The following SLC22A14 variants were observed in gnomAD, a reference collection of about 807,000 sequenced individuals.
SLC22A14 encodes organic cation transporter-like 4.
SLC22A14 carries 50 observed loss-of-function variants against 53.9 expected under a neutral mutation model. That is an observed-to-expected ratio of 0.93 (90% CI 0.74 to 1.17). The LOEUF (loss-of-function observed/expected upper bound fraction) is 1.17, where lower values mean the gene tolerates loss of function less well. Among genes scored for constraint, SLC22A14 ranks in the 50% most tolerant of loss-of-function variants. SLC22A14 has a pLI of 0.00. For missense variants in SLC22A14, 671 were observed against 734.7 expected, an observed-to-expected ratio of 0.91 and a Z score of 1.00; for synonymous variants, 312 against 303.0, an observed-to-expected ratio of 1.03 and a Z score of -0.31.
At chr3:38,278,832 A>G (rs1042364579), upstream of SLC22A14, among the ~76,000 whole-genome samples, 16 of 151,774 alleles carry the variant, frequency 1.1e-4, no homozygotes, top group Non-Finnish European at 2.4e-4. Context: ...AAAAAAAAAA[A>G]AAAAAAAAAG....
At chr3:38,280,166 C>A (rs571905166), upstream of SLC22A14, among the ~76,000 whole-genome samples, 62 of 152,312 alleles carry the variant, frequency 4.1e-4, no homozygotes, top group African/African-American at 1.5e-3. Flanking sequence ...GGAGGACTTT[C>A]CAGGCCTCCT....
chr3:38,301,724 A>G (rs976972913), intron 1 of SLC22A14, among the ~76,000 whole-genome samples: 3 of 150,388 alleles, frequency 2.0e-5, no homozygotes, highest in Non-Finnish European at 3.0e-5. Context: ...TAAAAGGGAT[A>G]CTTTTAATGT....
chr3:38,310,861 C>T (rs1704449611), intron 5 of SLC22A14, among the ~76,000 whole-genome samples: 1 of 152,148 alleles, frequency 6.6e-6, no homozygotes, highest in Non-Finnish European at 1.5e-5. Flanking sequence ...TGGTGGGCTG[C>T]TCCAATCAAC....
At chr3:38,308,248 G>T in intron 4 of SLC22A14, 1 of 161,938 alleles carries the variant, frequency 6.2e-6, no homozygotes, top group South Asian at 1.7e-4. Context: ...AGAGGAGGAG[G>T]AGGAGAAGAA....
At chr3:38,296,930 G>A (rs939488078) in intron 1 of SLC22A14, among the ~76,000 whole-genome samples, 7 of 152,194 alleles carry the variant, frequency 4.6e-5, no homozygotes, top group East Asian at 3.8e-4. Context: ...CTGTGACGGC[G>A]ACAAACAGCA....
Position 38,312,963 on chromosome 3 carries a change from T to C in SLC22A14, c.945-36T>C, listed in dbSNP as rs760662220. The C allele has an allele frequency of 4.3e-5, 67 of 1,566,522 alleles. No individual in the cohort carries two copies. The African/African-American group carries it at 6.4e-4, about 15-fold the overall frequency. On this transcript the variant is annotated intron_variant, in intron 5 of 10. Coordinates refer to ENST00000448498, the MANE Select transcript of SLC22A14 (RefSeq NM_001320033.2). ...GCCAGCAGGGGGTCTCTGGGCATCATAGAACGGTGAGATAAGAGAGGGGCT... is the reference window on the plus strand; with the variant it reads ...GCCAGCAGGGGGTCTCTGGGCATCACAGAACGGTGAGATAAGAGAGGGGCT...
intron 4 of SLC22A14, chr3:38,308,103 A>G (rs76982480): frequency 0.034 from 5,053 of 149,616 alleles, 115 homozygotes; most frequent in Middle Eastern, 0.1. Context: ...TGAGCCCTTA[A>G]GAAAGGCCAG....
chr3:38,285,847 G>C (rs1255949298), intron 1 of SLC22A14, among the ~76,000 whole-genome samples: 1 of 152,202 alleles, frequency 6.6e-6, no homozygotes, highest in Non-Finnish European at 1.5e-5. Flanking sequence ...AACTTTATAA[G>C]ACAATGCCAA....
rs1021466759 is a variant in SLC22A14 at position 38,306,255 on chromosome 3, AGCATCATGTCG to A, written c.232_242del (p.Ile78LeufsTer6). Reference sequence around the variant, plus strand: ...GCTAGTAGCCCTCACCTTTATCCCCAGCATCATGTCGGCCTTCTTCATGTTTGCTGACCACT... The same window carrying A: ...GCTAGTAGCCCTCACCTTTATCCCCAGCCTTCTTCATGTTTGCTGACCACT... On this transcript the variant is annotated frameshift_variant, in exon 2 of 11. Coordinates refer to ENST00000448498, the MANE Select transcript of SLC22A14 (RefSeq NM_001320033.2). LOFTEE classifies it high-confidence loss of function. 1.9e-6 allele frequency: 3 copies of A among 1,614,018 alleles called. No homozygotes were observed. In the African/African-American group the frequency reaches 4.0e-5, roughly 22 times the overall value.
chr3:38,313,288 C>A, intron 6 of SLC22A14, 100 bp from the exon 7 acceptor site: 3 of 1,394,204 alleles, frequency 2.2e-6, no homozygotes, highest in Non-Finnish European at 3.0e-6. Context: ...CAGAAGCCAG[C>A]TGGCACTTTC....
At position 38,318,571 on chromosome 3, in the gene SLC22A14, C is replaced by T. The variant is rs192852263; in HGVS notation, c.*322C>T. ...ATTCCAATAAAGGTACAATGTTGGTCTTGAGATGGCTGGGTCAAAGTTGCC... is the reference window on the plus strand; with the variant it reads ...ATTCCAATAAAGGTACAATGTTGGTTTTGAGATGGCTGGGTCAAAGTTGCC... On this transcript the variant is annotated 3_prime_UTR_variant, in exon 11 of 11. Transcript: ENST00000448498. The T allele has an allele frequency of 3.7e-3, 1,004 of 269,658 alleles. 8 individuals are homozygous for T. The highest frequency in any genetic ancestry group is 4.0e-3 in the Non-Finnish European group (554 of 139,920). 16.7% of individuals were successfully genotyped at this position (269,658 alleles called of 1,614,324 possible).
In SLC22A14 at chr3:38,307,458, G is replaced by T. The variant is rs818823; in HGVS notation, c.620+101G>T. On this transcript the variant is annotated intron_variant, in intron 3 of 10. Coordinates refer to ENST00000448498, the MANE Select transcript of SLC22A14 (RefSeq NM_001320033.2). This position sits in a 1 kb window ranked among gnomAD's most constrained non-coding sequence, Gnocchi z 4.4. Reference sequence around the variant, plus strand: ...TCAGGCTGAGGGAGGTGAGGGTAGGGGTTCTCCAGGGACCCATGGATGGCT... The same window carrying T: ...TCAGGCTGAGGGAGGTGAGGGTAGGTGTTCTCCAGGGACCCATGGATGGCT... 503,660 of 1,537,056 alleles carry T rather than the reference G, an allele frequency of 0.33. 85,556 individuals carry two copies. The highest frequency in any genetic ancestry group is 0.53 in the East Asian group (23,386 of 44,346).
In SLC22A14 at chr3:38,307,788, G is replaced by A. The variant is rs1704352603; in HGVS notation, c.775+68G>A. 2 of 1,567,078 alleles carry A rather than the reference G, an allele frequency of 1.3e-6. No individual in the cohort carries two copies. Among genetic ancestry groups the A allele is most frequent in the African/African-American group, 1.4e-5 (1 of 74,062 alleles). On this transcript the variant is annotated intron_variant, in intron 4 of 10. Coordinates refer to ENST00000448498, the MANE Select transcript of SLC22A14 (RefSeq NM_001320033.2). This position sits in a 1 kb window ranked among gnomAD's most constrained non-coding sequence, Gnocchi z 4.4. ...GCATGGCGGCATAGGCGGGTGACAA[G>A]GGGACATAGTGGCAGGGGGCGTGGC...
chr3:38,294,392 C>T (rs543549190), intron 1 of SLC22A14, among the ~76,000 whole-genome samples: 2 of 152,322 alleles, frequency 1.3e-5, no homozygotes, highest in Admixed American at 1.3e-4. Context: ...ATAATTTATA[C>T]TTCCCTCAGG....
Position 38,309,010 on chromosome 3 carries a change from T to C in SLC22A14, c.832T>C (p.Phe278Leu). 1 of 1,613,602 alleles carries C rather than the reference T, an allele frequency of 6.2e-7. No individual in the cohort carries two copies. The highest frequency in any genetic ancestry group is 2.2e-5 in the East Asian group (1 of 44,878). Reference protein sequence around the residue: ...RAHAIILGHCFFAVGAVLLTG... With the variant: ...RAHAIILGHCLFAVGAVLLTG... ...CCATGCCATTATCCTGGGACACTGCTTTTTCGCTGTTGGGGCCGTGTTGCT... is the reference window on the plus strand; with the variant it reads ...CCATGCCATTATCCTGGGACACTGCCTTTTCGCTGTTGGGGCCGTGTTGCT... The change falls in exon 5 of 11, where the codon TTT (phenylalanine) becomes CTT (leucine). Residue 278 changes from phenylalanine (F) to leucine (L), a missense_variant. By Grantham distance (22) the Phe-to-Leu change is conservative. Coordinates refer to ENST00000448498, the MANE Select transcript of SLC22A14 (RefSeq NM_001320033.2).
intron 1 of SLC22A14, among the ~76,000 whole-genome samples, chr3:38,284,545 G>A (rs1244222113): frequency 6.6e-6 from 1 of 152,242 alleles, no homozygotes; most frequent in East Asian, 1.9e-4. Flanking sequence ...TGCTGGGAAT[G>A]TGCAGGGATC....
At position 38,306,416 on chromosome 3, in the gene SLC22A14, A is replaced by T. The variant is rs1264131999; in HGVS notation, c.390A>T (p.Thr130=). The T allele has an allele frequency of 1.9e-6, 3 of 1,614,206 alleles. No homozygotes were observed. The highest frequency in any genetic ancestry group is 2.5e-6 in the Non-Finnish European group (3 of 1,180,034). ...IPQAPNGSFL[T]CFMYLPVPWN... Reference sequence around the variant, plus strand: ...AAGCACCCAATGGCAGTTTCCTGACATGCTTCATGTACCTTCCTGTGCCTT... The same window carrying T: ...AAGCACCCAATGGCAGTTTCCTGACTTGCTTCATGTACCTTCCTGTGCCTT... The change falls in exon 2 of 11, where the codon ACA becomes ACT. Residue 130 remains threonine, a synonymous_variant. Transcript: ENST00000448498.
chr3:38,312,585 CAGAT>C (rs971080907), intron 5 of SLC22A14, among the ~76,000 whole-genome samples: 4 of 152,158 alleles, frequency 2.6e-5, no homozygotes, highest in South Asian at 2.1e-4. Context: ...GTTGGGGAGA[CAGAT>C]AGGGAACAGG....
chr3:38,294,620 G>A (rs937820648), intron 1 of SLC22A14, among the ~76,000 whole-genome samples: 32 of 152,064 alleles, frequency 2.1e-4, no homozygotes, highest in African/African-American at 6.3e-4. Context: ...GTCCTAGAGC[G>A]TCCTCTATGG....
Sources: gnomAD v4.1 joint callset for allele counts (sites outside exome capture counted in the v4.1 genomes callset) on GRCh38, gnomAD v4.1.1 for gene constraint, Gnocchi (gnomAD v3.1) non-coding constraint, MANE v1.5 for transcripts, NCBI Gene and HGNC (gene_info 2026-07-23, HGNC 2026-07-21) for gene names.